ADGRL2: variants seen among roughly 807,000 people sequenced by gnomAD.
The protein encoded by ADGRL2 is calcium-independent alpha-latrotoxin receptor 2.
ADGRL2 carries 44 observed loss-of-function variants against 157.4 expected under a neutral mutation model. That is an observed-to-expected ratio of 0.28 (90% CI 0.22 to 0.36). The LOEUF (loss-of-function observed/expected upper bound fraction) is 0.36. Among genes scored for constraint, ADGRL2 ranks in the 10% least tolerant of loss-of-function variants. The pLI, the probability that ADGRL2 is intolerant of heterozygous loss-of-function variation, is 1.00. For synonymous variants in ADGRL2, 585 were observed against 624.7 expected, an observed-to-expected ratio of 0.94 and a Z score of 0.95; for missense variants, 1,510 against 1,768.9, an observed-to-expected ratio of 0.85 and a Z score of 2.63.
chr1:81,594,653 C>A (rs1448853735), intron 3 of ADGRL2, among the ~76,000 whole-genome samples: 1 of 152,184 alleles, frequency 6.6e-6, no homozygotes, highest in Non-Finnish European at 1.5e-5. Context: ...TCACACTTAT[C>A]AGGTGAAAGA....
At chr1:81,533,911 G>C (rs1285064647) in intron 2 of ADGRL2, among the ~76,000 whole-genome samples, 1 of 152,034 alleles carries the variant, frequency 6.6e-6, no homozygotes, top group East Asian at 1.9e-4. Context: ...CGCCTTCCTA[G>C]CCTAAAAGAA....
At chr1:81,630,189 G>A (rs2081986561) in intron 3 of ADGRL2, among the ~76,000 whole-genome samples, 2 of 151,976 alleles carry the variant, frequency 1.3e-5, no homozygotes, top group South Asian at 4.2e-4. Flanking sequence ...CACCTGTAAG[G>A]CAGGGACATT....
At chr1:81,612,055 A>T (rs1278287491) in intron 3 of ADGRL2, among the ~76,000 whole-genome samples, 2 of 152,172 alleles carry the variant, frequency 1.3e-5, no homozygotes, top group African/African-American at 4.8e-5. Context: ...GAGTCAATTA[A>T]ACCTCCTTTC....
intron 1 of ADGRL2, among the ~76,000 whole-genome samples, chr1:81,407,674 A>G (rs1034583668): frequency 1.3e-5 from 2 of 152,260 alleles, no homozygotes; most frequent in African/African-American, 4.8e-5. Flanking sequence ...TGTATAAAGC[A>G]GCATGTGTAT....
intron 1 of ADGRL2, among the ~76,000 whole-genome samples, chr1:81,394,429 T>C (rs2076617610): frequency 1.3e-5 from 2 of 152,162 alleles, no homozygotes; most frequent in Admixed American, 6.5e-5. Flanking sequence ...GATCAACTCT[T>C]TTGGCTTCTT....
At chr1:81,338,880 G>GGTCTT (rs1367072676) in intron 1 of ADGRL2, among the ~76,000 whole-genome samples, 3 of 151,936 alleles carry the variant, frequency 2.0e-5, no homozygotes, top group Non-Finnish European at 4.4e-5. Context: ...TTGACCACTG[G>GGTCTT]GTCTTCAACT....
intron 2 of ADGRL2, among the ~76,000 whole-genome samples, chr1:81,537,272 C>A: frequency 6.6e-6 from 1 of 151,882 alleles, no homozygotes; most frequent in Admixed American, 6.6e-5. Context: ...ATGACTATTT[C>A]TTTTTTTTGT....
At chr1:81,819,419 G>A (rs1046956792) in intron 1 of ADGRL2, among the ~76,000 whole-genome samples, 2 of 152,110 alleles carry the variant, frequency 1.3e-5, no homozygotes, top group African/African-American at 4.8e-5. Context: ...AAAGTCCAAA[G>A]TACCAGCTGC....
intron 2 of ADGRL2, among the ~76,000 whole-genome samples, chr1:81,553,277 A>T (rs1374696276): frequency 6.6e-6 from 1 of 152,210 alleles, no homozygotes; most frequent in Non-Finnish European, 1.5e-5. Context: ...AGCTTTTAGC[A>T]TTATTTTTGC....
chr1:81,439,787 G>A (rs781714569), intron 1 of ADGRL2, among the ~76,000 whole-genome samples: 11 of 152,326 alleles, frequency 7.2e-5, no homozygotes, highest in South Asian at 2.1e-4. Context: ...GCTGCCCTCC[G>A]CCACTGATGG....
intron 1 of ADGRL2, among the ~76,000 whole-genome samples, chr1:81,718,695 G>A (rs1179578235): frequency 3.9e-5 from 6 of 152,174 alleles, no homozygotes; most frequent in East Asian, 1.9e-4. Flanking sequence ...AGTCAGCTTC[G>A]CCTTCTAATC....
chr1:81,987,416 G>A (rs755163183), intron 22 of ADGRL2: 1 of 913,322 alleles, frequency 1.1e-6, no homozygotes. Flanking sequence ...GAATGAATTA[G>A]CTAATGAAGA....
intron 2 of ADGRL2, among the ~76,000 whole-genome samples, chr1:81,487,578 G>C (rs558902100): frequency 6.6e-6 from 1 of 152,256 alleles, no homozygotes; most frequent in South Asian, 2.1e-4. Flanking sequence ...CCAGGAAGCG[G>C]AGGTTGCAGG....
At chr1:81,640,272 T>G (rs1480501283) in intron 3 of ADGRL2, among the ~76,000 whole-genome samples, 2 of 152,106 alleles carry the variant, frequency 1.3e-5, no homozygotes, top group Admixed American at 1.3e-4. Context: ...ATGCCCTAAA[T>G]TTTGGTCATG....
At chr1:81,450,670 C>T (rs917832786) in intron 2 of ADGRL2, among the ~76,000 whole-genome samples, 2 of 151,934 alleles carry the variant, frequency 1.3e-5, no homozygotes, top group African/African-American at 2.4e-5. Context: ...TGTACATTAA[C>T]ATCAACCAAT....
At chr1:81,340,120 A>G (rs1661960084) in intron 1 of ADGRL2, among the ~76,000 whole-genome samples, 1 of 152,218 alleles carries the variant, frequency 6.6e-6, no homozygotes, top group Non-Finnish European at 1.5e-5. Flanking sequence ...GTTTTTAATC[A>G]TACTATATTT....
chr1:81,895,917 T>C (rs1267328184), intron 2 of ADGRL2, among the ~76,000 whole-genome samples: 1 of 152,148 alleles, frequency 6.6e-6, no homozygotes, highest in African/African-American at 2.4e-5. Context: ...GTGGAAACCT[T>C]TACCTAGCAA....
At chr1:81,927,107 A>C (rs1344301242) in intron 3 of ADGRL2, among the ~76,000 whole-genome samples, 2 of 151,964 alleles carry the variant, frequency 1.3e-5, no homozygotes, top group African/African-American at 4.8e-5. Flanking sequence ...ATAATATTTT[A>C]CTCAAATGCA....
intron 2 of ADGRL2, among the ~76,000 whole-genome samples, chr1:81,792,515 T>G (rs1008257759): frequency 1.3e-5 from 2 of 152,196 alleles, no homozygotes; most frequent in Admixed American, 1.3e-4. Flanking sequence ...AAATAAATTA[T>G]TTAAATGATT....
Sources: allele counts gnomAD v4.1 joint callset (sites outside exome capture counted in the v4.1 genomes callset), GRCh38; gene constraint gnomAD v4.1.1; transcripts MANE v1.5; gene names NCBI Gene and HGNC (gene_info 2026-07-23, HGNC 2026-07-21).